The following ZNF532 variants were observed in gnomAD, a reference collection of about 807,000 sequenced individuals.
ZNF532 encodes zinc finger protein 532.
ZNF532 carries 22 observed loss-of-function variants against 89.3 expected under a neutral mutation model. The observed-to-expected ratio is 0.25, with a 90% CI of 0.18 to 0.35. The LOEUF (loss-of-function observed/expected upper bound fraction) is 0.35, where lower values mean the gene tolerates loss of function less well. Among genes scored for constraint, ZNF532 ranks in the 10% least tolerant of loss-of-function variants. ZNF532 has a pLI of 1.00. For missense variants in ZNF532, 1,132 were observed against 1,643.4 expected, an observed-to-expected ratio of 0.69 and a Z score of 5.38; for synonymous variants, 606 against 649.6, an observed-to-expected ratio of 0.93 and a Z score of 1.02.
At chr18:58,913,994 A>G (rs1317189755) in intron 2 of ZNF532, among the ~76,000 whole-genome samples, 1 of 152,230 alleles carries the variant, frequency 6.6e-6, no homozygotes, top group Non-Finnish European at 1.5e-5. Flanking sequence ...TTTAATACTG[A>G]CATTCTCTAA....
At chr18:58,925,627 T>C (rs535045549) in intron 3 of ZNF532, among the ~76,000 whole-genome samples, 2 of 152,242 alleles carry the variant, frequency 1.3e-5, no homozygotes, top group Non-Finnish European at 2.9e-5. Context: ...TGAAGTCAAG[T>C]ATATCAGTTT....
At chr18:58,871,885 A>G (rs2057013187) in intron 2 of ZNF532, among the ~76,000 whole-genome samples, 1 of 152,234 alleles carries the variant, frequency 6.6e-6, no homozygotes, top group Non-Finnish European at 1.5e-5. Flanking sequence ...GAAGGGCTAG[A>G]AAGATGTATT....
intron 7 of ZNF532, among the ~76,000 whole-genome samples, chr18:58,963,821 C>CAAAAAAA (rs58734985): frequency 3.6e-5 from 3 of 82,756 alleles, no homozygotes; most frequent in African/African-American, 1.2e-4. Context: ...GACCCTGTCT[C>CAAAAAAA]AAAAAAAAAA....
chr18:58,891,427 G>A (rs1602710650), intron 2 of ZNF532, among the ~76,000 whole-genome samples: 2 of 152,326 alleles, frequency 1.3e-5, no homozygotes, highest in East Asian at 3.9e-4. Flanking sequence ...CTACTTGGGT[G>A]GCTGAGGCAT....
intron 2 of ZNF532, among the ~76,000 whole-genome samples, chr18:58,878,139 C>T (rs2057586380): frequency 6.6e-6 from 1 of 152,110 alleles, no homozygotes; most frequent in South Asian, 2.1e-4. Flanking sequence ...CCTGTATTCC[C>T]AGCTACTCGG....
chr18:58,956,223 C>T (rs546489959), intron 7 of ZNF532, among the ~76,000 whole-genome samples: 3 of 152,290 alleles, frequency 2.0e-5, no homozygotes, highest in South Asian at 4.1e-4. Flanking sequence ...TGTGTGTGCA[C>T]GCATGTGCCC....
chr18:58,916,388 A>G (rs17065337), intron 2 of ZNF532, among the ~76,000 whole-genome samples: 6,015 of 152,314 alleles, frequency 0.039, 164 homozygotes, highest in Non-Finnish European at 0.062. Flanking sequence ...CTGACTTCTC[A>G]TAGATATTTG....
intron 8 of ZNF532, chr18:58,980,619 A>C (rs1302991184): frequency 6.6e-6 from 1 of 152,150 alleles, no homozygotes; most frequent in Non-Finnish European, 1.5e-5. Context: ...TTTATAGCAT[A>C]CATAATAACT....
intron 5 of ZNF532, among the ~76,000 whole-genome samples, chr18:58,940,952 A>ACACACACG (rs2062943340): frequency 7.1e-6 from 1 of 141,174 alleles, no homozygotes; most frequent in Non-Finnish European, 1.6e-5. Flanking sequence ...ACACACACAC[A>ACACACACG]CACACACTCT....
intron 7 of ZNF532, among the ~76,000 whole-genome samples, chr18:58,967,902 T>G (rs79383950): frequency 1.4e-3 from 212 of 152,284 alleles, no homozygotes; most frequent in African/African-American, 4.8e-3. Context: ...ATTAAACATG[T>G]GTTAGAAAAA....
intron 2 of ZNF532, among the ~76,000 whole-genome samples, chr18:58,912,412 G>A (rs1054572184): frequency 2.6e-5 from 4 of 152,192 alleles, no homozygotes; most frequent in East Asian, 3.8e-4. Flanking sequence ...TTGACTGTGC[G>A]TATAAACTGT....
intron 7 of ZNF532, among the ~76,000 whole-genome samples, 177 bp from the exon 8 acceptor site, chr18:58,978,878 T>G (rs1306979256): frequency 3.3e-5 from 5 of 152,354 alleles, no homozygotes; most frequent in African/African-American, 9.6e-5. Flanking sequence ...GTTCTGACTG[T>G]GACCCGTCAC....
intron 8 of ZNF532, chr18:58,979,988 C>T (rs2147683661): frequency 6.6e-6 from 1 of 152,334 alleles, no homozygotes; most frequent in Non-Finnish European, 1.5e-5. Context: ...GGCTGTCACT[C>T]AGCTGGAATA....
intron 5 of ZNF532, among the ~76,000 whole-genome samples, chr18:58,947,256 A>AG (rs1014822325): frequency 1.1e-4 from 17 of 152,206 alleles, no homozygotes; most frequent in Non-Finnish European, 2.2e-4. Flanking sequence ...TTGGAGGCAG[A>AG]GGCCGGCAGC....
At chr18:58,863,877 A>G (rs2056191354), upstream of ZNF532, 3 of 151,456 alleles carry the variant, frequency 2.0e-5, no homozygotes, top group African/African-American at 7.3e-5. Context: ...CCTCGTGCCC[A>G]CTCCTGCGGG....
At chr18:58,873,086 C>T (rs1031732457) in intron 2 of ZNF532, among the ~76,000 whole-genome samples, 4 of 151,766 alleles carry the variant, frequency 2.6e-5, no homozygotes, top group African/African-American at 9.7e-5. Context: ...TTGCTCACTG[C>T]AGCCTTAACC....
At chr18:58,921,461 G>A (rs2061076945) in intron 3 of ZNF532, among the ~76,000 whole-genome samples, 1 of 152,096 alleles carries the variant, frequency 6.6e-6, no homozygotes, top group Admixed American at 6.6e-5. Context: ...CATTTCTGTG[G>A]CATGTCTGCT....
intron 2 of ZNF532, among the ~76,000 whole-genome samples, chr18:58,917,471 G>C (rs1348382683): frequency 6.6e-6 from 1 of 152,156 alleles, no homozygotes. Context: ...CTGCAGTGGA[G>C]GCTTTATCTC....
chr18:58,922,265 C>T (rs537819187), intron 3 of ZNF532, among the ~76,000 whole-genome samples: 4 of 152,244 alleles, frequency 2.6e-5, no homozygotes, highest in African/African-American at 9.6e-5. Flanking sequence ...GATGTTTATG[C>T]CGCAATTCAG....
Sources: allele counts gnomAD v4.1 joint callset (sites outside exome capture counted in the v4.1 genomes callset), GRCh38; gene constraint gnomAD v4.1.1; transcripts MANE v1.5; gene names NCBI Gene and HGNC (gene_info 2026-07-23, HGNC 2026-07-21).